CLCN5: variants seen among roughly 807,000 people sequenced by gnomAD.
CLCN5 encodes the protein Cl-/H+ antiporter 5.
In CLCN5, 17 loss-of-function variants were observed where a neutral mutation model predicts 54.0. The observed-to-expected ratio is 0.31, with a 90% CI of 0.22 to 0.47. The LOEUF (loss-of-function observed/expected upper bound fraction) is 0.47, where lower values mean the gene tolerates loss of function less well. CLCN5 is among the 20% of genes least tolerant of loss of function. The pLI, the probability that CLCN5 is intolerant of heterozygous loss-of-function variation, is 1.00. For missense variants in CLCN5, 448 were observed against 646.7 expected (o/e 0.69, Z 3.33); for synonymous variants, 222 against 233.0 (o/e 0.95, Z 0.43).
intron 3 of CLCN5, among the ~76,000 whole-genome samples, chrX:49,958,830 T>A (rs921090750): frequency 1.8e-4 from 20 of 112,065 alleles, no homozygotes; most frequent in Admixed American, 1.9e-4. Flanking sequence ...AAAATTATTC[T>A]TATCATTTAA....
At chrX:50,070,432 C>T (rs1179934903) in intron 5 of CLCN5, among the ~76,000 whole-genome samples, 2 of 111,819 alleles carry the variant, frequency 1.8e-5, no homozygotes, top group African/African-American at 6.5e-5. Flanking sequence ...AGGAAGGTGG[C>T]AAAATAAATG....
intron 3 of CLCN5, among the ~76,000 whole-genome samples, chrX:49,927,145 C>T (rs1245861826): frequency 1.8e-5 from 2 of 111,474 alleles, no homozygotes; most frequent in Non-Finnish European, 3.8e-5. Context: ...CTGATATTGG[C>T]ACAGATGGGG....
chrX:50,047,571 T>A (rs1397758585), intron 4 of CLCN5, among the ~76,000 whole-genome samples: 4 of 111,702 alleles, frequency 3.6e-5, no homozygotes, highest in Non-Finnish European at 5.6e-5. Context: ...ACTTTTTTTT[T>A]AATTAGCTAA....
At chrX:49,999,849 C>T (rs1557180099) in intron 3 of CLCN5, among the ~76,000 whole-genome samples, 2 of 111,825 alleles carry the variant, frequency 1.8e-5, no homozygotes, top group Admixed American at 9.5e-5. Flanking sequence ...CATTAAAAGC[C>T]CCTTTTTTTA....
chrX:50,003,240 C>G (rs781861514), intron 3 of CLCN5: 1 of 381,239 alleles, frequency 2.6e-6, no homozygotes, highest in South Asian at 2.4e-5. Context: ...AGCGAGCCTT[C>G]TCTTCCCTCT....
intron 3 of CLCN5, among the ~76,000 whole-genome samples, chrX:50,028,999 GTT>G (rs1931553175): frequency 8.9e-6 from 1 of 111,746 alleles, no homozygotes; most frequent in African/African-American, 3.3e-5. Flanking sequence ...CATCTGGAAT[GTT>G]TGCACTGTGG....
chrX:50,082,316 CTTT>C (rs781952945), intron 9 of CLCN5, among the ~76,000 whole-genome samples: 1 of 101,557 alleles, frequency 9.8e-6, no homozygotes. Context: ...ACTGGTTTTA[CTTT>C]TTTTTTTTTT....
At chrX:49,934,308 A>T (rs1170519598) in intron 3 of CLCN5, among the ~76,000 whole-genome samples, 2 of 111,750 alleles carry the variant, frequency 1.8e-5, no homozygotes, top group African/African-American at 6.5e-5. Flanking sequence ...ATAAACTATA[A>T]ATTCTTATTA....
At chrX:49,987,050 A>G (rs1307334545) in intron 3 of CLCN5, among the ~76,000 whole-genome samples, 4 of 112,683 alleles carry the variant, frequency 3.5e-5, no homozygotes, top group Non-Finnish European at 5.6e-5. Context: ...ATGTTCAGGA[A>G]CAGTTAACGC....
At chrX:49,994,140 C>A (rs1450960548) in intron 3 of CLCN5, among the ~76,000 whole-genome samples, 2 of 111,660 alleles carry the variant, frequency 1.8e-5, no homozygotes, top group Admixed American at 9.5e-5. Context: ...AGAAAGAAAT[C>A]TGCTTTGGGG....
At chrX:50,077,621 A>T (rs6610145) in intron 7 of CLCN5, among the ~76,000 whole-genome samples, 8,598 of 78,529 alleles carry the variant, frequency 0.11, 1,143 homozygotes, top group African/African-American at 0.33. Context: ...AGAGAGAGAG[A>T]GTGTGTGTGT....
intron 3 of CLCN5, among the ~76,000 whole-genome samples, chrX:49,986,008 A>G (rs1928979782): frequency 8.9e-6 from 1 of 112,081 alleles, no homozygotes; most frequent in Non-Finnish European, 1.9e-5. Flanking sequence ...ATGAAAAGAT[A>G]ACCTTAATTT....
intron 13 of CLCN5, 76 bp from the exon 14 acceptor site, chrX:50,090,594 G>C (rs954855782): frequency 1.0e-5 from 12 of 1,155,758 alleles, no homozygotes; most frequent in South Asian, 3.8e-5. Context: ...GACAGGGAAG[G>C]GGGGACTGGT....
chrX:50,066,896 G>A (rs1177667809), intron 4 of CLCN5, among the ~76,000 whole-genome samples: 6 of 108,485 alleles, frequency 5.5e-5, no homozygotes, highest in Non-Finnish European at 9.4e-5. Flanking sequence ...AGTTTTTCAC[G>A]TTTTCCTTTA....
intron 3 of CLCN5, among the ~76,000 whole-genome samples, chrX:49,939,361 C>T (rs1416081382): frequency 9.0e-6 from 1 of 110,515 alleles, no homozygotes; most frequent in Non-Finnish European, 1.9e-5. Flanking sequence ...CGGCACTATT[C>T]ACAATAGCAA....
intron 3 of CLCN5, among the ~76,000 whole-genome samples, chrX:50,011,030 A>G (rs1374667371): frequency 4.5e-5 from 5 of 111,322 alleles, no homozygotes; most frequent in African/African-American, 1.3e-4. Flanking sequence ...CCTCAGTACA[A>G]TCACACATAA....
Position 50,090,289 on chromosome X carries a change from C to T in CLCN5, c.1918C>T (p.Leu640Phe). ...AHIRLNGYPFLEAKEEFAHKT... is the reference protein window; with the variant it reads ...AHIRLNGYPFFEAKEEFAHKT... ...CATCCGTCTCAATGGATACCCCTTT[C>T]TTGAAGCCAAAGAAGAGTTTGCTCA... Residue 640 changes from leucine to phenylalanine, a missense_variant, in exon 13 of 15, where the codon CTT (leucine) becomes TTT (phenylalanine). Physicochemically the swap from Leu to Phe is conservative, Grantham distance 22. Coordinates refer to ENST00000376091, the MANE Select transcript of CLCN5 (RefSeq NM_001127898.4). 8.3e-7 allele frequency: 1 copy of T among 1,211,559 alleles called. No individual in the cohort carries two copies.
chrX:50,008,808 G>A (rs1463779532), intron 3 of CLCN5, among the ~76,000 whole-genome samples: 1 of 111,979 alleles, frequency 8.9e-6, no homozygotes, highest in Non-Finnish European at 1.9e-5. Context: ...GATCTCACAT[G>A]GAACTCTGCA....
intron 3 of CLCN5, among the ~76,000 whole-genome samples, chrX:49,966,069 A>G (rs868993317): frequency 3.6e-5 from 4 of 110,787 alleles, no homozygotes; most frequent in Admixed American, 2.9e-4. Context: ...TTCTCAAGAC[A>G]TCTTTGCCTG....
Sources: allele counts gnomAD v4.1 joint callset (sites outside exome capture counted in the v4.1 genomes callset), GRCh38; gene constraint gnomAD v4.1.1; transcripts MANE v1.5; gene names NCBI Gene and HGNC (gene_info 2026-07-23, HGNC 2026-07-21).